CNTNAP5: variants seen among roughly 807,000 people sequenced by gnomAD.
CNTNAP5 encodes contactin-associated protein-like 5.
A neutral mutation model predicts 150.2 loss-of-function variants in CNTNAP5; 72 were observed. The observed-to-expected ratio is 0.48, with a 90% CI of 0.40 to 0.58. The LOEUF (loss-of-function observed/expected upper bound fraction) is 0.58, where lower values mean the gene tolerates loss of function less well. Ranked by LOEUF, CNTNAP5 falls within the 20% of genes least tolerant of loss-of-function variation. CNTNAP5 has a pLI of 0.00. For missense variants in CNTNAP5, 1,636 were observed against 1,626.2 expected, an observed-to-expected ratio of 1.01 and a Z score of -0.10; for synonymous variants, 672 against 619.8, an observed-to-expected ratio of 1.08 and a Z score of -1.25.
chr2:124,686,501 G>A (rs1679196455), intron 13 of CNTNAP5, among the ~76,000 whole-genome samples: 1 of 152,054 alleles, frequency 6.6e-6, no homozygotes, highest in African/African-American at 2.4e-5. Context: ...AAAGGACCTG[G>A]TACCGGAGAG....
intron 14 of CNTNAP5, among the ~76,000 whole-genome samples, chr2:124,758,599 T>C (rs1680890934): frequency 6.6e-6 from 1 of 151,938 alleles, no homozygotes; most frequent in African/African-American, 2.4e-5. Flanking sequence ...AGGCCAATTG[T>C]CGTAGGTTGA....
At chr2:124,147,435 C>T (rs1305019473) in intron 1 of CNTNAP5, among the ~76,000 whole-genome samples, 1 of 152,154 alleles carries the variant, frequency 6.6e-6, no homozygotes, top group Non-Finnish European at 1.5e-5. Flanking sequence ...ATTAGCCCAC[C>T]TGAGTTCTGG....
chr2:124,621,457 A>G (rs1452303688), intron 12 of CNTNAP5, among the ~76,000 whole-genome samples: 1 of 152,170 alleles, frequency 6.6e-6, no homozygotes, highest in African/African-American at 2.4e-5. Context: ...CACTCTGGCT[A>G]TTATGATGCT....
chr2:124,482,239 G>A lies in CNTNAP5; in HGVS notation c.1062+7357G>A, dbSNP rs569659267. On this transcript the variant is annotated intron_variant, in intron 7 of 23. Transcript: ENST00000682447. ...ACAGATCACGGTGCTAGCACTGGAG[G>A]GGCGGTCAGTGGAGGGTTGACTGAT... 1.2e-4 allele frequency among the ~76,000 whole-genome samples: 18 copies of A among 152,298 alleles called. No homozygotes were observed. In the East Asian group the frequency reaches 1.7e-3, roughly 15 times the overall value.
At position 124,324,800 on chromosome 2, in the gene CNTNAP5, CT is replaced by C. The variant is rs1689177237; in HGVS notation, c.381+82411del. Among the ~76,000 whole-genome samples the C allele has an allele frequency of 2.6e-5, 4 of 152,102 alleles. No homozygotes were observed. In the South Asian group the frequency reaches 8.3e-4, roughly 32 times the overall value. On this transcript the variant is annotated intron_variant, in intron 3 of 23. Coordinates refer to ENST00000682447, the MANE Select transcript of CNTNAP5 (RefSeq NM_001367498.1). ...TCAGGGAAGAGAAAGAGGAAGTTAGCTTTTCGACAATGGAAAAGGGGCATTT... is the reference window on the plus strand; with the variant it reads ...TCAGGGAAGAGAAAGAGGAAGTTAGCTTTCGACAATGGAAAAGGGGCATTT...
intron 1 of CNTNAP5, among the ~76,000 whole-genome samples, chr2:124,041,521 C>G (rs1348436071): frequency 6.6e-6 from 1 of 152,154 alleles, no homozygotes; most frequent in Non-Finnish European, 1.5e-5. Flanking sequence ...AACATATACA[C>G]TTACTGTCAA....
chr2:124,064,439 C>A (rs545651637), intron 1 of CNTNAP5, among the ~76,000 whole-genome samples: 7 of 152,180 alleles, frequency 4.6e-5, no homozygotes, highest in Non-Finnish European at 7.4e-5. Context: ...GACCTTTATA[C>A]ATCTTACCTG....
chr2:124,321,947 C>T (rs538274196), intron 3 of CNTNAP5, among the ~76,000 whole-genome samples: 4 of 151,958 alleles, frequency 2.6e-5, no homozygotes, highest in Admixed American at 1.3e-4. Flanking sequence ...GTCAGGAGTT[C>T]GAGACCAGCC....
intron 3 of CNTNAP5, among the ~76,000 whole-genome samples, chr2:124,406,393 A>G (rs1052093763): frequency 5.3e-5 from 8 of 151,856 alleles, no homozygotes; most frequent in Admixed American, 1.3e-4. Flanking sequence ...GTATAATTCC[A>G]TTTTCTGTAC....
At chr2:124,729,890 A>G (rs1044891442) in intron 13 of CNTNAP5, among the ~76,000 whole-genome samples, 1 of 152,108 alleles carries the variant, frequency 6.6e-6, no homozygotes, top group African/African-American at 2.4e-5. Context: ...CTAGACTTCT[A>G]AGAGAGCAGC....
At position 124,338,225 on chromosome 2, in the gene CNTNAP5, A is replaced by G. The variant is rs892188713; in HGVS notation, c.382-79218A>G. Among the ~76,000 whole-genome samples, 109 of 152,112 alleles carry G rather than the reference A, an allele frequency of 7.2e-4. 1 individual carries two copies. Among genetic ancestry groups the G allele is most frequent in the Non-Finnish European group, 1.2e-3 (81 of 68,030 alleles). ...TTTTGCACATTGATTTTGTATCCTG[A>G]GACTTTGCTGAAGTTGCTTATCAGC... On this transcript the variant is annotated intron_variant, in intron 3 of 23. Coordinates refer to ENST00000682447, the MANE Select transcript of CNTNAP5 (RefSeq NM_001367498.1).
intron 19 of CNTNAP5, among the ~76,000 whole-genome samples, chr2:124,842,837 T>C (rs1034766550): frequency 6.6e-6 from 1 of 152,224 alleles, no homozygotes; most frequent in South Asian, 2.1e-4. Context: ...CTGAAAATGC[T>C]CAGTGCAGTG....
At chr2:124,065,986 C>A (rs1682142116) in intron 1 of CNTNAP5, among the ~76,000 whole-genome samples, 1 of 152,158 alleles carries the variant, frequency 6.6e-6, no homozygotes, top group Non-Finnish European at 1.5e-5. Flanking sequence ...AAGCTATTAA[C>A]AGTGAGTGGA....
At chr2:124,627,379 C>A (rs1335815707) in intron 12 of CNTNAP5, among the ~76,000 whole-genome samples, 3 of 152,146 alleles carry the variant, frequency 2.0e-5, no homozygotes, top group Non-Finnish European at 4.4e-5. Flanking sequence ...GAGGAAGGAG[C>A]AGGCAGCAAC....
At chr2:124,848,206 G>T (rs10172428) in intron 19 of CNTNAP5, among the ~76,000 whole-genome samples, 7,600 of 152,142 alleles carry the variant, frequency 0.05, 555 homozygotes, top group African/African-American at 0.16. Context: ...CCTGGAAACC[G>T]CTATTCTACC....
At chr2:124,754,809 T>C (rs565397883) in intron 14 of CNTNAP5, among the ~76,000 whole-genome samples, 1 of 152,152 alleles carries the variant, frequency 6.6e-6, no homozygotes, top group African/African-American at 2.4e-5. Context: ...CGCGTCGAAC[T>C]CTCAAAGTTA....
At chr2:124,634,804 T>C (rs1357479456) in intron 12 of CNTNAP5, among the ~76,000 whole-genome samples, 2 of 152,140 alleles carry the variant, frequency 1.3e-5, no homozygotes, top group South Asian at 2.1e-4. Flanking sequence ...GTACCTCACG[T>C]AATAAATTTC....
rs186452921 is a variant in CNTNAP5 at position 124,903,531 on chromosome 2, A to G, written c.3655+431A>G. Among the ~76,000 whole-genome samples the G allele has an allele frequency of 5.9e-5, 9 of 152,218 alleles. No individual in the cohort carries two copies. In the East Asian group the frequency reaches 1.5e-3, roughly 26 times the overall value. Reference sequence around the variant, plus strand: ...AGCTTTATTAAGAAATAATTGACAAATAAAAATTATATATTTTCAAAGTGT... The same window carrying G: ...AGCTTTATTAAGAAATAATTGACAAGTAAAAATTATATATTTTCAAAGTGT... On this transcript the variant is annotated intron_variant, in intron 22 of 23. Transcript: ENST00000682447.
At chr2:124,494,624 T>C (rs989412118) in intron 7 of CNTNAP5, among the ~76,000 whole-genome samples, 4 of 152,206 alleles carry the variant, frequency 2.6e-5, no homozygotes, top group Non-Finnish European at 4.4e-5. Flanking sequence ...CTTACTGTTA[T>C]AATGACTTGT....
Sources: allele counts gnomAD v4.1 joint callset (sites outside exome capture counted in the v4.1 genomes callset), GRCh38; gene constraint gnomAD v4.1.1; transcripts MANE v1.5; gene names NCBI Gene and HGNC (gene_info 2026-07-23, HGNC 2026-07-21).